The following ASCC3 variants were observed in gnomAD, a reference collection of about 807,000 sequenced individuals.
ASCC3 encodes the protein ASC-1 complex subunit P200.
ASCC3 carries 158 observed loss-of-function variants against 256.3 expected under a neutral mutation model. That is an observed-to-expected ratio of 0.62 (90% CI 0.54 to 0.70). The LOEUF (loss-of-function observed/expected upper bound fraction) is 0.70, where lower values mean the gene tolerates loss of function less well. ASCC3 is among the 30% of genes least tolerant of loss of function. The pLI is 0.00. For synonymous variants in ASCC3, 948 were observed against 883.4 expected (o/e 1.07, Z -1.30); for missense variants, 2,259 against 2,626.0 (o/e 0.86, Z 3.05).
intron 37 of ASCC3, among the ~76,000 whole-genome samples, chr6:100,526,049 T>C (rs1046272779): frequency 2.0e-5 from 3 of 152,090 alleles, no homozygotes; most frequent in African/African-American, 7.2e-5. Flanking sequence ...ATAAGTACAT[T>C]TATAAGAATC....
rs1051651433 is a variant in ASCC3, at chr6:100,627,948, C to T, written c.4415G>A (p.Arg1472Gln). 12 of 1,613,252 alleles carry T rather than the reference C, an allele frequency of 7.4e-6. No homozygotes were observed. Among genetic ancestry groups the T allele is most frequent in the Admixed American group, 6.7e-5 (4 of 59,852 alleles). The change falls in exon 28 of 42, where the codon CGA becomes CAA. Residue 1472 changes from arginine (R) to glutamine (Q), a missense_variant. Coordinates refer to ENST00000369162, the MANE Select transcript of ASCC3 (RefSeq NM_006828.4). ...RGPVLEVIVSRTNFISSHTEK... is the reference protein window; with the variant it reads ...RGPVLEVIVSQTNFISSHTEK... ...TGTGTGTGATGAGATAAAATTTGTT[C>T]GAGATACAATGACCTCTAGAACAGG...
intron 13 of ASCC3, among the ~76,000 whole-genome samples, chr6:100,691,237 A>G (rs959456817): frequency 2.0e-5 from 3 of 152,194 alleles, no homozygotes; most frequent in Admixed American, 6.5e-5. Flanking sequence ...ATTTAGAAAC[A>G]TAAGACATAT....
At chr6:100,757,942 T>C (rs1781259108) in intron 10 of ASCC3, among the ~76,000 whole-genome samples, 1 of 152,154 alleles carries the variant, frequency 6.6e-6, no homozygotes, top group African/African-American at 2.4e-5. Flanking sequence ...AGAATCTTTT[T>C]GACAACACCA....
chr6:100,786,274 G>A (rs796668527), intron 8 of ASCC3, among the ~76,000 whole-genome samples: 21 of 152,202 alleles, frequency 1.4e-4, no homozygotes, highest in African/African-American at 5.1e-4. Context: ...TCATACACAT[G>A]CTCATGGTAT....
intron 39 of ASCC3, among the ~76,000 whole-genome samples, chr6:100,513,643 A>G (rs2114605382): frequency 6.6e-6 from 1 of 152,258 alleles, no homozygotes; most frequent in South Asian, 2.1e-4. Flanking sequence ...AACAAATATG[A>G]ATTTTTGGCA....
At chr6:100,560,721 A>G (rs1446056965) in intron 36 of ASCC3, among the ~76,000 whole-genome samples, 1 of 150,948 alleles carries the variant, frequency 6.6e-6, no homozygotes, top group African/African-American at 2.4e-5. Flanking sequence ...GGCTAAAGTC[A>G]TAGTCAAACC....
At chr6:100,829,444 CAT>C (rs1430964469) in intron 4 of ASCC3, among the ~76,000 whole-genome samples, 1 of 152,166 alleles carries the variant, frequency 6.6e-6, no homozygotes, top group East Asian at 1.9e-4. Flanking sequence ...CTAAGCCCCT[CAT>C]TGCCCAGGGC....
intron 3 of ASCC3, among the ~76,000 whole-genome samples, chr6:100,859,839 T>A (rs2114535189): frequency 6.6e-6 from 1 of 152,182 alleles, no homozygotes; most frequent in African/African-American, 2.4e-5. Flanking sequence ...AGTTGAATAG[T>A]GAAATAAACT....
intron 4 of ASCC3, among the ~76,000 whole-genome samples, chr6:100,844,789 A>G (rs1365501762): frequency 3.9e-5 from 6 of 152,102 alleles, no homozygotes; most frequent in African/African-American, 1.4e-4. Context: ...TATTGGCAAA[A>G]GCTAAGAAGT....
At chr6:100,773,007 A>G (rs1199498759) in intron 8 of ASCC3, among the ~76,000 whole-genome samples, 7 of 152,296 alleles carry the variant, frequency 4.6e-5, no homozygotes, top group African/African-American at 1.7e-4. Context: ...TAAGCACAGG[A>G]GTCCTTTACA....
intron 11 of ASCC3, among the ~76,000 whole-genome samples, chr6:100,719,658 A>T (rs1215666150): frequency 6.6e-6 from 1 of 151,982 alleles, no homozygotes; most frequent in Non-Finnish European, 1.5e-5. Flanking sequence ...AATAATCTGG[A>T]ATGTTATGTC....
intron 36 of ASCC3, among the ~76,000 whole-genome samples, chr6:100,568,752 A>AATTATT (rs111974347): frequency 0.027 from 3,800 of 139,592 alleles, 79 homozygotes; most frequent in South Asian, 0.035. Context: ...CTTAGTCATA[A>AATTATT]ATTATTATTA....
At chr6:100,629,702 A>C (rs1368457296) in intron 26 of ASCC3, among the ~76,000 whole-genome samples, 1 of 152,136 alleles carries the variant, frequency 6.6e-6, no homozygotes, top group South Asian at 2.1e-4. Context: ...AGCCAAAATG[A>C]AATGTATTAG....
chr6:100,510,092 A>G lies in ASCC3; in HGVS notation c.6301T>C (p.Cys2101Arg). The G allele has an allele frequency of 1.2e-6, 2 of 1,614,212 alleles. No homozygotes were observed. Among genetic ancestry groups the G allele is most frequent in the Non-Finnish European group, 1.7e-6 (2 of 1,180,038 alleles). ...TTGGGAAATCGAGGAGTAACTGCAC[A>G]GCTCTCTGGCTTTCCCTGTAAACCA... ...FGFHKGKPES[C>R]AVTPRFPKSK... Residue 2101 changes from cysteine to arginine, a missense_variant, in exon 41 of 42, where the codon TGT becomes CGT. Cys to Arg is a radical substitution (Grantham distance 180). This residue lies in a region of ASCC3 where 1,839 missense variants were observed against 2,206.7 expected (regional missense o/e 0.83). Transcript: ENST00000369162.
chr6:100,765,449 C>T lies in ASCC3; in HGVS notation c.1737+1116G>A, dbSNP rs1019762821. ...TTCTCACTGAATAGATCAGCTTCATCGGCATGATAAAACCTTGGTCTCCAC... is the reference window on the plus strand; with the variant it reads ...TTCTCACTGAATAGATCAGCTTCATTGGCATGATAAAACCTTGGTCTCCAC... On this transcript the variant is annotated intron_variant, in intron 10 of 41. Coordinates refer to ENST00000369162, the MANE Select transcript of ASCC3 (RefSeq NM_006828.4). Among the ~76,000 whole-genome samples, 19 of 152,180 alleles carry T rather than the reference C, an allele frequency of 1.2e-4. No individual in the cohort carries two copies. The East Asian group carries it at 1.7e-3, about 14-fold the overall frequency.
At chr6:100,531,092 T>C in intron 37 of ASCC3, 1 of 1,237,422 alleles carries the variant, frequency 8.1e-7, no homozygotes, top group Non-Finnish European at 1.2e-6. Flanking sequence ...GTCTGTACAA[T>C]AAATACAACA....
chr6:100,615,986 G>A (rs1270636661), intron 30 of ASCC3, among the ~76,000 whole-genome samples: 17 of 152,108 alleles, frequency 1.1e-4, no homozygotes, highest in Admixed American at 1.1e-3. Flanking sequence ...ATAAAAAACA[G>A]GTCCTTTGAG....
At chr6:100,669,991 G>A (rs939796524) in intron 14 of ASCC3, among the ~76,000 whole-genome samples, 4 of 151,458 alleles carry the variant, frequency 2.6e-5, no homozygotes, top group Non-Finnish European at 5.9e-5. Flanking sequence ...ATAAATTTAC[G>A]GAATTTCTAC....
chr6:100,630,621 G>A (rs911724234), intron 26 of ASCC3, among the ~76,000 whole-genome samples: 76 of 151,184 alleles, frequency 5.0e-4, no homozygotes, highest in African/African-American at 1.5e-3. Context: ...CTGGAAATTC[G>A]TTTCTCTGTA....
Sources: allele counts gnomAD v4.1 joint callset (sites outside exome capture counted in the v4.1 genomes callset), GRCh38; gene constraint gnomAD v4.1.1; regional missense constraint gnomAD v4.1.1; transcripts MANE v1.5; gene names NCBI Gene and HGNC (gene_info 2026-07-23, HGNC 2026-07-21).